TSGA10IP: variants seen among roughly 807,000 people sequenced by gnomAD.
TSGA10IP encodes the protein testis specific 10 interacting protein, also known as testis-specific protein 10-interacting protein.
Under a neutral mutation model 63.2 loss-of-function variants are expected in TSGA10IP, and 64 were observed. The ratio of observed to expected loss-of-function variants is 1.01; its 90% CI spans 0.83 to 1.25. The LOEUF is 1.25. Ranked by LOEUF, TSGA10IP falls within the 50% of genes most tolerant of loss-of-function variation. TSGA10IP has a pLI of 0.00. For missense variants in TSGA10IP, 681 were observed against 710.1 expected, an observed-to-expected ratio of 0.96 and a Z score of 0.47; for synonymous variants, 316 against 298.3, an observed-to-expected ratio of 1.06 and a Z score of -0.61.
Position 65,952,022 on chromosome 11 carries a change from T to C in TSGA10IP, c.1152-1545T>C, listed in dbSNP as rs139518031. ...ACATCACGAGGTCTGCCTAATTTTT[T>C]TGTATTTTTTTAGTAGAGACAGGGT... On this transcript the variant is annotated intron_variant, in intron 4 of 7. Coordinates refer to ENST00000532620, the Ensembl canonical transcript of TSGA10IP. Among the ~76,000 whole-genome samples the C allele has an allele frequency of 6.6e-5, 10 of 152,204 alleles. No individual in the cohort carries two copies. In the East Asian group the frequency reaches 1.9e-3, roughly 29 times the overall value.
rs7927956 is a variant in TSGA10IP, at chr11:65,947,838, G to C, written c.1003+10G>C. On this transcript the variant is annotated intron_variant, in intron 3 of 7. Coordinates refer to ENST00000532620, the Ensembl canonical transcript of TSGA10IP. Reference sequence around the variant, plus strand: ...AGAGACCTGGACTGTGGTGAGCGTGGGGCTCAGAGCCTGGATTCCCCCGAA... The same window carrying C: ...AGAGACCTGGACTGTGGTGAGCGTGCGGCTCAGAGCCTGGATTCCCCCGAA... 4.2e-3 allele frequency: 6,389 copies of C among 1,538,766 alleles called. 230 individuals carry two copies. The African/African-American group carries it at 0.078, about 19-fold the overall frequency.
intron 5 of TSGA10IP, among the ~76,000 whole-genome samples, chr11:65,954,586 C>T (rs899936535): frequency 1.3e-5 from 2 of 151,848 alleles, no homozygotes; most frequent in East Asian, 1.9e-4. Flanking sequence ...TTCCCTTGGC[C>T]GCACAAAAGA....
chr11:65,959,761 C>T lies in TSGA10IP; in HGVS notation c.1548-56C>T, dbSNP rs1855084316. On this transcript the variant is annotated intron_variant, in intron 7 of 7. Coordinates refer to ENST00000532620, the Ensembl canonical transcript of TSGA10IP. ...TTTGAAGCCACATTGTCAGTGGTTT[C>T]CTTGGGCATGGGGGTGGGAGCTGCA... is the stretch of plus-strand genomic sequence containing the variant. 5.3e-6 allele frequency: 8 copies of T among 1,508,830 alleles called. 1 individual carries two copies. In the South Asian group the frequency reaches 8.8e-5, roughly 17 times the overall value. 93.5% of individuals were successfully genotyped at this position (1,508,830 alleles called of 1,614,324 possible). A position where few individuals can be genotyped will look rare whatever the true frequency, so the allele number is the denominator to read the frequency against.
exon 1 of TSGA10IP, chr11:65,945,543 G>T (rs143935156): frequency 3.1e-6 from 3 of 964,546 alleles, no homozygotes; most frequent in African/African-American, 3.3e-5. Flanking sequence ...CCCAGAAGGA[G>T]ATTGGCCTCA....
At chr11:65,953,340 G>A (rs914039326) in intron 4 of TSGA10IP, among the ~76,000 whole-genome samples, 1 of 152,126 alleles carries the variant, frequency 6.6e-6, no homozygotes, top group African/African-American at 2.4e-5. Flanking sequence ...CTGGAAGCAG[G>A]AGACTTCTAG....
intron 5 of TSGA10IP, among the ~76,000 whole-genome samples, chr11:65,954,246 A>G (rs1345281505): frequency 6.6e-6 from 1 of 151,242 alleles, no homozygotes; most frequent in Non-Finnish European, 1.5e-5. Context: ...GCTCACTGCA[A>G]TCTCCGCCTC....
chr11:65,952,161 AT>A (rs900109771), intron 4 of TSGA10IP, among the ~76,000 whole-genome samples: 1 of 151,910 alleles, frequency 6.6e-6, no homozygotes, highest in Non-Finnish European at 1.5e-5. Flanking sequence ...GCCTTTGCCC[AT>A]TTTTTGAGTT....
Position 65,945,776 on chromosome 11 carries a change from GA to G in TSGA10IP, c.103del (p.Thr35ArgfsTer135), listed in dbSNP as rs775656874. The G allele has an allele frequency of 4.0e-5, 64 of 1,613,902 alleles. No homozygotes were observed. The highest frequency in any genetic ancestry group is 5.1e-5 in the Non-Finnish European group (60 of 1,179,890). ...GTGCGGCTCCAGGCTCCAGGAACCA[GA>G]ACGGGGCTGCTCAAGCTGCTGTCGA... On this transcript the variant is annotated frameshift_variant, in exon 1 of 8. Transcript: ENST00000532620. LOFTEE classifies it high-confidence loss of function.
chr11:65,958,337 T>C (rs1442757088), intron 5 of TSGA10IP, among the ~76,000 whole-genome samples: 1 of 152,194 alleles, frequency 6.6e-6, no homozygotes, highest in Non-Finnish European at 1.5e-5. Context: ...TATTTTTTTT[T>C]AGTTTCTCTG....
rs1271351328 is a variant in TSGA10IP, at chr11:65,957,018, G to C, written c.1323-1865G>C. ...GAACTTCGCTGTCTGAGCGGAACAG[G>C]AGACTCTGTCCTGCCTAGGAAGGGC... is the stretch of plus-strand genomic sequence containing the variant. On this transcript the variant is annotated intron_variant, in intron 5 of 7. Transcript: ENST00000532620. Among the ~76,000 whole-genome samples the C allele has an allele frequency of 2.0e-5, 3 of 152,222 alleles. No individual in the cohort carries two copies. In the East Asian group the frequency reaches 5.8e-4, roughly 29 times the overall value.
At chr11:65,947,674 C>T (rs369306904) in exon 3 of TSGA10IP, 92 of 1,606,940 alleles carry the variant, frequency 5.7e-5, no homozygotes, top group Non-Finnish European at 4.8e-5. Flanking sequence ...AGGAAGCCTC[C>T]GATGAGGGAG....
chr11:65,949,298 A>T (rs947486731), intron 4 of TSGA10IP, among the ~76,000 whole-genome samples: 4 of 152,084 alleles, frequency 2.6e-5, no homozygotes, highest in Admixed American at 2.0e-4. Context: ...GGCCCTGTGG[A>T]TGGAGGGAGG....
chr11:65,949,435 G>A (rs200757080), intron 4 of TSGA10IP, among the ~76,000 whole-genome samples: 1 of 85,096 alleles, frequency 1.2e-5, no homozygotes, highest in Non-Finnish European at 2.6e-5. Context: ...TTTTTTTTTT[G>A]AGATGGAGTC....
At chr11:65,951,059 G>A (rs1302642834) in intron 4 of TSGA10IP, among the ~76,000 whole-genome samples, 1 of 152,186 alleles carries the variant, frequency 6.6e-6, no homozygotes, top group African/African-American at 2.4e-5. Context: ...GCTGAAGAAT[G>A]CCATTGTGTA....
exon 1 of TSGA10IP, chr11:65,945,665 G>T (rs756927447): frequency 1.2e-6 from 2 of 1,612,642 alleles, no homozygotes; most frequent in Non-Finnish European, 1.7e-6. Context: ...GCGGATGGGG[G>T]ATGGGGCAGG....
intron 4 of TSGA10IP, among the ~76,000 whole-genome samples, chr11:65,948,698 G>T (rs2134867851): frequency 6.6e-6 from 1 of 152,298 alleles, no homozygotes; most frequent in East Asian, 1.9e-4. Context: ...AAGGGGCCGG[G>T]CGTGGTGGCT....
At chr11:65,945,531 C>A in exon 1 of TSGA10IP, 1 of 875,560 alleles carries the variant, frequency 1.1e-6, no homozygotes, top group Non-Finnish European at 1.7e-6. Flanking sequence ...GCTGAACTCT[C>A]TCCCAGAAGG....
In TSGA10IP at chr11:65,958,899, C is replaced by T. The variant is rs755280607; in HGVS notation, c.1339C>T (p.Arg447Cys). Residue 447 changes from arginine to cysteine, a missense_variant, in exon 6 of 8, where the codon CGC becomes TGC. Physicochemically the swap from Arg to Cys is radical, Grantham distance 180. Transcript: ENST00000532620. ...CCCCTGCAGGCGCCAGGAGCGACAG[C>T]GCTTTGCTGAGTACCAGGCGGAGCT... The T allele has an allele frequency of 3.8e-5, 61 of 1,612,814 alleles. No individual in the cohort carries two copies. The Admixed American group carries it at 6.8e-4, about 18-fold the overall frequency.
exon 7 of TSGA10IP, chr11:65,959,314 G>A (rs746538610): frequency 1.2e-6 from 2 of 1,610,944 alleles, no homozygotes; most frequent in Admixed American, 3.3e-5. Context: ...AGGAAACCCA[G>A]GTGAGTCTCC....
Sources: gnomAD v4.1 joint callset for allele counts (sites outside exome capture counted in the v4.1 genomes callset) on GRCh38, gnomAD v4.1.1 for gene constraint, MANE v1.5 for transcripts, NCBI Gene and HGNC (gene_info 2026-07-23, HGNC 2026-07-21) for gene names.